LANCL1: variants seen among roughly 807,000 people sequenced by gnomAD.
LANCL1 encodes the protein LanC like glutathione S-transferase 1, also known as glutathione S-transferase LANCL1.
Under a neutral mutation model 50.6 loss-of-function variants are expected in LANCL1, and 50 were observed. That is an observed-to-expected ratio of 0.99 (90% CI 0.79 to 1.25). LANCL1 has a LOEUF of 1.25. Among genes scored for constraint, LANCL1 ranks in the 50% most tolerant of loss-of-function variants. The pLI is 0.00. For missense variants in LANCL1, 532 were observed against 480.7 expected (o/e 1.11, Z -1.00); for synonymous variants, 188 against 178.6 (o/e 1.05, Z -0.42).
At chr2:210,446,091 G>A (rs918668498) in intron 4 of LANCL1, among the ~76,000 whole-genome samples, 4 of 152,192 alleles carry the variant, frequency 2.6e-5, no homozygotes, top group South Asian at 4.1e-4. Context: ...GGATCTCCCA[G>A]CACAGTGCTC....
chr2:210,472,138 A>T (rs1008431300), intron 2 of LANCL1, 62 bp from the exon 3 acceptor site: 1 of 1,075,090 alleles, frequency 9.3e-7, no homozygotes, highest in East Asian at 2.4e-5. Flanking sequence ...CTGGACTATA[A>T]GCTATCAAAG....
At chr2:210,440,037 C>T (rs1346031187) in intron 6 of LANCL1, among the ~76,000 whole-genome samples, 1 of 152,172 alleles carries the variant, frequency 6.6e-6, no homozygotes, top group African/African-American at 2.4e-5. Flanking sequence ...TTCTATCTGT[C>T]TTTAGTCTAT....
At chr2:210,442,412 A>C (rs1693170430) in intron 4 of LANCL1, 1 of 152,238 alleles carries the variant, frequency 6.6e-6, no homozygotes, top group African/African-American at 2.4e-5. Flanking sequence ...ATGGTTCCAT[A>C]ACAGCACACA....
At chr2:210,451,492 C>A (rs1048649854) in intron 4 of LANCL1, among the ~76,000 whole-genome samples, 1 of 151,970 alleles carries the variant, frequency 6.6e-6, no homozygotes, top group Non-Finnish European at 1.5e-5. Flanking sequence ...AAAGTAGAAG[C>A]ATAAGCAATG....
chr2:210,459,798 C>A (rs934032491), intron 3 of LANCL1, among the ~76,000 whole-genome samples: 5 of 151,528 alleles, frequency 3.3e-5, no homozygotes, highest in African/African-American at 1.2e-4. Context: ...AAATAAAATT[C>A]CTGTTGTAAT....
In LANCL1 at chr2:210,436,213, T is replaced by C; in HGVS notation, c.1050+3A>G. ...CTTTCTATTTGGTGGTTCTGACTCC[T>C]ACCTTACAGGCCCTATACAGGTACT... On this transcript the variant is annotated splice_donor_region_variant and intron_variant, in intron 8 of 9. Transcript: ENST00000450366. The C allele has an allele frequency of 6.2e-7, 1 of 1,613,256 alleles. No homozygotes were observed. Among genetic ancestry groups the C allele is most frequent in the Non-Finnish European group, 8.5e-7 (1 of 1,179,400 alleles).
chr2:210,473,689 C>T (rs1327104015), intron 2 of LANCL1, among the ~76,000 whole-genome samples: 3 of 152,176 alleles, frequency 2.0e-5, no homozygotes, highest in Admixed American at 6.5e-5. Context: ...AGATTCACTT[C>T]GGAGGAGCAT....
In LANCL1 at chr2:210,476,414, T is replaced by A. The variant is rs1182679454; in HGVS notation, c.-16-2A>T. On this transcript the variant is annotated splice_acceptor_variant, in intron 1 of 9. Transcript: ENST00000450366. LOFTEE classifies it low-confidence loss of function (5UTR_SPLICE). ...TGAGCCATGACGCCGGAAGCAAGCCTGCAGAACAGGGGAAAAACAGAAACT... is the reference window on the plus strand; with the variant it reads ...TGAGCCATGACGCCGGAAGCAAGCCAGCAGAACAGGGGAAAAACAGAAACT... The A allele has an allele frequency of 2.5e-6, 4 of 1,612,608 alleles. No homozygotes were observed. Among genetic ancestry groups the A allele is most frequent in the Non-Finnish European group, 3.4e-6 (4 of 1,179,574 alleles).
Position 210,431,819 on chromosome 2 carries a change from A to G in LANCL1, c.*2668T>C, listed in dbSNP as rs1434795608. 5.3e-5 allele frequency: 8 copies of G among 152,218 alleles called. No homozygotes were observed. Among genetic ancestry groups the G allele is most frequent in the Non-Finnish European group, 1.0e-4 (7 of 68,036 alleles). The allele number at this position is 152,218 out of a possible 1,614,324, so 9.4% of individuals were successfully genotyped here. ...ATTAAAGACTGACAACTCAGGCCACACCGCCGTCCATGGTATCTATGGAAA... is the reference window on the plus strand; with the variant it reads ...ATTAAAGACTGACAACTCAGGCCACGCCGCCGTCCATGGTATCTATGGAAA... On this transcript the variant is annotated 3_prime_UTR_variant, in exon 10 of 10. Coordinates refer to ENST00000450366, the MANE Select transcript of LANCL1 (RefSeq NM_006055.3).
rs992815325 is a variant in LANCL1, at chr2:210,433,674, T to C, written c.*813A>G. ...TAGAAAATTGGCTTCCTGATCTTATTTGAATACTGAAAAACACACATATTT... is the reference window on the plus strand; with the variant it reads ...TAGAAAATTGGCTTCCTGATCTTATCTGAATACTGAAAAACACACATATTT... On this transcript the variant is annotated 3_prime_UTR_variant, in exon 10 of 10. Coordinates refer to ENST00000450366, the MANE Select transcript of LANCL1 (RefSeq NM_006055.3). 3.3e-5 allele frequency: 5 copies of C among 152,214 alleles called. No homozygotes were observed. The highest frequency in any genetic ancestry group is 6.5e-5 in the Admixed American group (1 of 15,280). 9.4% of individuals were successfully genotyped at this position (152,214 alleles called of 1,614,324 possible). A position where few individuals can be genotyped will look rare whatever the true frequency, so the allele number is the denominator to read the frequency against.
At chr2:210,436,488 C>A in intron 7 of LANCL1, 96 bp from the exon 8 acceptor site, 1 of 1,208,242 alleles carries the variant, frequency 8.3e-7, no homozygotes, top group Non-Finnish European at 1.2e-6. Flanking sequence ...AGGGAGATGG[C>A]TTGGCAAGAA....
intron 4 of LANCL1, among the ~76,000 whole-genome samples, chr2:210,452,452 G>A (rs2105905240): frequency 6.6e-6 from 1 of 152,186 alleles, no homozygotes; most frequent in South Asian, 2.1e-4. Flanking sequence ...GATCTGATAT[G>A]TATCAGGCAG....
Position 210,476,346 on chromosome 2 carries a change from C to T in LANCL1, c.51G>A (p.Leu17=), listed in dbSNP as rs1694371944. The T allele has an allele frequency of 6.2e-7, 1 of 1,614,052 alleles. No homozygotes were observed. The highest frequency in any genetic ancestry group is 8.5e-7 in the Non-Finnish European group (1 of 1,179,978). ...CGGCAGCATCAAAGTAGCCTTCGGCCAGGGATTTGTTATAATCAGCATAAG... is the reference window on the plus strand; with the variant it reads ...CGGCAGCATCAAAGTAGCCTTCGGCTAGGGATTTGTTATAATCAGCATAAG... ...PNPYADYNKS[L]AEGYFDAAGR... Residue 17 remains leucine (L), a synonymous_variant, in exon 2 of 10, where the codon CTG becomes CTA. Coordinates refer to ENST00000450366, the MANE Select transcript of LANCL1 (RefSeq NM_006055.3).
rs1306711264 is a variant in LANCL1 at position 210,434,574 on chromosome 2, A to G, written c.1124-11T>C. ...TTGTTCCAGCCATTCCTGAAGAAAG[A>G]GAAAGAGGCAAAAGTTATTATACCA... On this transcript the variant is annotated splice_polypyrimidine_tract_variant and intron_variant, in intron 9 of 9. Transcript: ENST00000450366. 6.2e-7 allele frequency: 1 copy of G among 1,608,894 alleles called. No individual in the cohort carries two copies. The highest frequency in any genetic ancestry group is 1.7e-4 in the Middle Eastern group (1 of 6,044).
At chr2:210,474,358 A>C (rs1467361852) in intron 2 of LANCL1, among the ~76,000 whole-genome samples, 2 of 152,156 alleles carry the variant, frequency 1.3e-5, no homozygotes, top group Non-Finnish European at 2.9e-5. Context: ...TACGTTAGGC[A>C]ATAAACTACA....
At chr2:210,440,440 A>G (rs1340468002) in intron 6 of LANCL1, among the ~76,000 whole-genome samples, 158 bp downstream of exon 6, 1 of 152,190 alleles carries the variant, frequency 6.6e-6, no homozygotes, top group African/African-American at 2.4e-5. Flanking sequence ...CTTCGTAAAC[A>G]TTACTTTTGT....
At chr2:210,441,811 C>T (rs1054153012) in intron 4 of LANCL1, among the ~76,000 whole-genome samples, 33 of 152,104 alleles carry the variant, frequency 2.2e-4, no homozygotes, top group Admixed American at 2.2e-3. Flanking sequence ...AGCCAACACT[C>T]AAATGGCCCA....
rs149323345 is a variant in LANCL1, at chr2:210,455,506, C to T, written c.200-192G>A. 3.5e-4 allele frequency among the ~76,000 whole-genome samples: 53 copies of T among 152,232 alleles called. No homozygotes were observed. The East Asian group carries it at 9.3e-3, about 27-fold the overall frequency. Reference sequence around the variant, plus strand: ...ACTCTACGAACCAGCATAAGCCAACCACTTACTTGTCCTCAGTTTCCTCAT... The same window carrying T: ...ACTCTACGAACCAGCATAAGCCAACTACTTACTTGTCCTCAGTTTCCTCAT... On this transcript the variant is annotated intron_variant, in intron 3 of 9. Transcript: ENST00000450366.
At chr2:210,471,283 G>GC (rs1694215706) in intron 3 of LANCL1, among the ~76,000 whole-genome samples, 1 of 132,232 alleles carries the variant, frequency 7.6e-6, no homozygotes, top group Non-Finnish European at 1.7e-5. Context: ...TTGACCTCGT[G>GC]ATCCACCCGC....
Sources: gnomAD v4.1 joint callset for allele counts (sites outside exome capture counted in the v4.1 genomes callset) on GRCh38, gnomAD v4.1.1 for gene constraint, MANE v1.5 for transcripts, NCBI Gene and HGNC (gene_info 2026-07-23, HGNC 2026-07-21) for gene names.